Variants in NID2 observed in about 807,000 individuals in gnomAD.
The protein encoded by NID2 is nidogen 2.
NID2 carries 83 observed loss-of-function variants against 145.4 expected under a neutral mutation model. The observed-to-expected ratio is 0.57, with a 90% CI of 0.48 to 0.69. The LOEUF (loss-of-function observed/expected upper bound fraction) is 0.69. Ranked by LOEUF, NID2 falls within the 30% of genes least tolerant of loss-of-function variation. NID2 has a pLI of 0.00. For missense variants in NID2, 1,807 were observed against 1,765.7 expected (o/e 1.02, Z -0.42); for synonymous variants, 739 against 701.3 (o/e 1.05, Z -0.85).
chr14:52,050,151 C>T (rs988558650), intron 5 of NID2, among the ~76,000 whole-genome samples: 4 of 152,200 alleles, frequency 2.6e-5, no homozygotes, highest in African/African-American at 9.6e-5. Context: ...ACTGCCTCAG[C>T]AGGCTTAAGA....
In NID2 at chr14:52,010,879, C is replaced by T. The variant is rs560818603; in HGVS notation, c.3719G>A (p.Arg1240Gln). The change falls in exon 18 of 22, where the codon CGA becomes CAA. Residue 1240 changes from arginine to glutamine, a missense_variant. Arg to Gln is a conservative substitution (Grantham distance 43). Coordinates refer to ENST00000216286, the MANE Select transcript of NID2 (RefSeq NM_007361.4). ...GAATTAGGGAAGCCCAGCTGACCCT[C>T]GGATTGGATCCACAGCGATGGCACG... ...NPRAIAVDPI[R>Q]GNLYWTDWNR... 18 of 1,612,142 alleles carry T rather than the reference C, an allele frequency of 1.1e-5. No homozygotes were observed. Among genetic ancestry groups the T allele is most frequent in the Middle Eastern group, 1.9e-4 (1 of 5,132 alleles).
intron 5 of NID2, among the ~76,000 whole-genome samples, chr14:52,048,893 C>G (rs111757572): frequency 2.6e-5 from 4 of 152,270 alleles, no homozygotes; most frequent in African/African-American, 7.2e-5. Context: ...GCTTGGAAAT[C>G]AGTGTTTTTA....
intron 12 of NID2, among the ~76,000 whole-genome samples, chr14:52,020,574 C>A (rs1891367638): frequency 6.6e-6 from 1 of 152,094 alleles, no homozygotes. Context: ...ATATATCCAA[C>A]AATGGTTTTT....
At chr14:52,012,268 C>T (rs990678152) in intron 16 of NID2, among the ~76,000 whole-genome samples, 1 of 152,122 alleles carries the variant, frequency 6.6e-6, no homozygotes, top group African/African-American at 2.4e-5. Flanking sequence ...TATACTCCTG[C>T]CCCTGACTCT....
chr14:52,024,720 G>A lies in NID2; in HGVS notation c.2674+2481C>T, dbSNP rs563685868. Among the ~76,000 whole-genome samples, 5 of 152,230 alleles carry A rather than the reference G, an allele frequency of 3.3e-5. No homozygotes were observed. In the South Asian group the frequency reaches 1.0e-3, roughly 32 times the overall value. ...ATTTTTAGTTTGTAGGCTTTGGAAA[G>A]AATCCTAAAAGCAGAGAACCAGAAA... On this transcript the variant is annotated intron_variant, in intron 12 of 21. Transcript: ENST00000216286.
chr14:52,010,926 G>C lies in NID2; in HGVS notation c.3672C>G (p.Phe1224Leu), dbSNP rs1890988904. 6.2e-7 allele frequency: 1 copy of C among 1,613,868 alleles called. No individual in the cohort carries two copies. The highest frequency in any genetic ancestry group is 1.7e-5 in the Admixed American group (1 of 60,012). The change falls in exon 18 of 22, where the codon TTC becomes TTG. Residue 1224 changes from phenylalanine to leucine, a missense_variant. Transcript: ENST00000216286. ...CACGGGGATTCACCAGATCTGTGTA[G>C]AAGAGGACCTTGCGCTCAGAGCCAT... The part of the protein sequence containing the change: ...LLDGSERKVL[F>L]YTDLVNPRAI...
intron 12 of NID2, among the ~76,000 whole-genome samples, chr14:52,026,440 GT>G (rs1281300071): frequency 2.0e-5 from 3 of 152,244 alleles, no homozygotes; most frequent in African/African-American, 7.2e-5. Flanking sequence ...CCAGTGTGTC[GT>G]TTTACCCTAA....
intron 5 of NID2, among the ~76,000 whole-genome samples, chr14:52,052,395 GA>G (rs1333150063): frequency 6.6e-6 from 1 of 152,142 alleles, no homozygotes; most frequent in African/African-American, 2.4e-5. Flanking sequence ...GTGCAGACAC[GA>G]AGCCAAGAAC....
At chr14:52,037,004 T>G (rs1443380870) in intron 9 of NID2, among the ~76,000 whole-genome samples, 1 of 152,262 alleles carries the variant, frequency 6.6e-6, no homozygotes, top group East Asian at 1.9e-4. Flanking sequence ...CCCAGTTTAT[T>G]TTGCTGTTGC....
intron 2 of NID2, among the ~76,000 whole-genome samples, chr14:52,063,843 A>G (rs1893100247): frequency 6.6e-6 from 1 of 152,114 alleles, no homozygotes; most frequent in South Asian, 2.1e-4. Flanking sequence ...TCCCTCATTT[A>G]TTTTACTGCA....
intron 2 of NID2, among the ~76,000 whole-genome samples, chr14:52,067,631 T>C (rs987231146): frequency 2.0e-5 from 3 of 152,226 alleles, no homozygotes; most frequent in African/African-American, 7.2e-5. Context: ...TCATATCCGC[T>C]AAGCATTTTT....
chr14:52,068,498 A>G lies in NID2; in HGVS notation c.228+269T>C, dbSNP rs1893305041. On this transcript the variant is annotated intron_variant, in intron 1 of 21. Transcript: ENST00000216286. Reference sequence around the variant, plus strand: ...AGCCTTCTCGCGGTCCTAACTGCAAAGCCCGCTGGCCGCCCTAGCAACGCC... The same window carrying G: ...AGCCTTCTCGCGGTCCTAACTGCAAGGCCCGCTGGCCGCCCTAGCAACGCC... 2.0e-5 allele frequency among the ~76,000 whole-genome samples: 3 copies of G among 152,186 alleles called. No individual in the cohort carries two copies. The South Asian group carries it at 6.2e-4, about 32-fold the overall frequency.
chr14:52,019,423 A>G, intron 13 of NID2, 129 bp from the exon 14 acceptor site: 1 of 655,612 alleles, frequency 1.5e-6, no homozygotes, highest in Admixed American at 3.0e-5. Context: ...TTATTTTATA[A>G]TACCTTGCCA....
intron 9 of NID2, among the ~76,000 whole-genome samples, chr14:52,030,963 G>A (rs1342120110): frequency 6.6e-6 from 1 of 152,212 alleles, no homozygotes; most frequent in African/African-American, 2.4e-5. Flanking sequence ...TAACTACATG[G>A]TGAGGAAAAT....
chr14:52,006,122 T>A (rs1214792143), intron 20 of NID2: 6 of 459,332 alleles, frequency 1.3e-5, no homozygotes, highest in South Asian at 6.9e-5. Flanking sequence ...CAGTTCCTCA[T>A]TTGAGAACTA....
intron 9 of NID2, among the ~76,000 whole-genome samples, chr14:52,035,651 G>A (rs1181433117): frequency 6.6e-6 from 1 of 151,738 alleles, no homozygotes; most frequent in African/African-American, 2.4e-5. Flanking sequence ...AATGGTTTTA[G>A]AGTTTTGTTT....
chr14:52,040,931 A>G, intron 7 of NID2, 80 bp from the exon 8 acceptor site: 1 of 1,209,604 alleles, frequency 8.3e-7, no homozygotes. Flanking sequence ...CCCGCTCCCA[A>G]TTTCTACTGC....
chr14:52,046,479 ATTCTG>A (rs1173698573), intron 5 of NID2, among the ~76,000 whole-genome samples: 1 of 152,154 alleles, frequency 6.6e-6, no homozygotes, highest in Non-Finnish European at 1.5e-5. Context: ...CCCAATTCTT[ATTCTG>A]AGGCTGAATT....
At chr14:52,064,688 T>C (rs114590711) in intron 2 of NID2, among the ~76,000 whole-genome samples, 2 of 152,256 alleles carry the variant, frequency 1.3e-5, no homozygotes, top group Admixed American at 6.5e-5. Context: ...CTTATGTTAC[T>C]GCCTGTGACT....
Sources: gnomAD v4.1 joint callset for allele counts (sites outside exome capture counted in the v4.1 genomes callset) on GRCh38, gnomAD v4.1.1 for gene constraint, MANE v1.5 for transcripts, NCBI Gene and HGNC (gene_info 2026-07-23, HGNC 2026-07-21) for gene names.